Variants in PTPN13 observed in about 807,000 individuals in gnomAD.
PTPN13 encodes tyrosine-protein phosphatase non-receptor type 13.
PTPN13 carries 191 observed loss-of-function variants against 284.0 expected under a neutral mutation model. The observed-to-expected ratio is 0.67, with a 90% CI of 0.60 to 0.76. The LOEUF (loss-of-function observed/expected upper bound fraction) is 0.76, where lower values mean the gene tolerates loss of function less well. Ranked by LOEUF, PTPN13 falls within the 30% of genes least tolerant of loss-of-function variation. The pLI, the probability that PTPN13 is intolerant of heterozygous loss-of-function variation, is 0.00. For missense variants in PTPN13, 2,797 were observed against 2,939.9 expected (o/e 0.95, Z 1.12); for synonymous variants, 986 against 1,022.3 (o/e 0.96, Z 0.68).
At chr4:86,795,462 T>A (rs1181762125) in intron 40 of PTPN13, among the ~76,000 whole-genome samples, 1 of 152,122 alleles carries the variant, frequency 6.6e-6, no homozygotes, top group African/African-American at 2.4e-5. Flanking sequence ...TAGTTCAACC[T>A]TTGTGAAAGA....
intron 1 of PTPN13, among the ~76,000 whole-genome samples, chr4:86,634,520 A>G (rs902909215): frequency 6.6e-6 from 1 of 152,170 alleles, no homozygotes; most frequent in Non-Finnish European, 1.5e-5. Context: ...CTGATCTTTT[A>G]TTAATTCACC....
chr4:86,759,684 A>G (rs747160289), intron 23 of PTPN13, among the ~76,000 whole-genome samples: 4 of 152,182 alleles, frequency 2.6e-5, no homozygotes, highest in Non-Finnish European at 5.9e-5. Context: ...TTCTGTTTCT[A>G]CCACCTAAAA....
intron 3 of PTPN13, among the ~76,000 whole-genome samples, chr4:86,675,228 T>C (rs1728143180): frequency 6.6e-6 from 1 of 152,208 alleles, no homozygotes; most frequent in Non-Finnish European, 1.5e-5. Context: ...GTTGCCATTA[T>C]CATGTTAAAG....
At chr4:86,732,832 T>G (rs1424565594) in intron 12 of PTPN13, 66 bp downstream of exon 12, 3 of 1,414,350 alleles carry the variant, frequency 2.1e-6, no homozygotes, top group Non-Finnish European at 2.9e-6. Context: ...TTCCTATGTT[T>G]GTTACCATGC....
chr4:86,600,746 G>A (rs1017720189), intron 1 of PTPN13, among the ~76,000 whole-genome samples: 1 of 151,808 alleles, frequency 6.6e-6, no homozygotes, highest in African/African-American at 2.4e-5. Flanking sequence ...CACTATTTAA[G>A]TATTTTTGCT....
In PTPN13 at chr4:86,766,435, A is replaced by T; in HGVS notation, c.4247A>T (p.Asp1416Val). 1 of 1,604,430 alleles carries T rather than the reference A, an allele frequency of 6.2e-7. No individual in the cohort carries two copies. The highest frequency in any genetic ancestry group is 1.3e-5 in the African/African-American group (1 of 74,546). Residue 1416 changes from aspartate (D) to valine (V), a missense_variant, in exon 27 of 48, where the codon GAT (aspartate) becomes GTT (valine). Asp to Val is a radical substitution (Grantham distance 152). Coordinates refer to ENST00000411767, the MANE Select transcript of PTPN13 (RefSeq NM_080683.3). ...ATTTGAACTGCCTAATTTTTAGGTG[A>T]TCGCGTCCTAGCTGTCAATGGAGTT... ...AESDGRIHKG[D>V]RVLAVNGVSL...
At position 86,734,350 on chromosome 4, in the gene PTPN13, GC is replaced by G; in HGVS notation, c.1910del (p.Pro637GlnfsTer33). The G allele has an allele frequency of 6.4e-7, 1 of 1,555,234 alleles. No homozygotes were observed. The highest frequency in any genetic ancestry group is 2.4e-5 in the East Asian group (1 of 42,272). On this transcript the variant is annotated frameshift_variant, in exon 13 of 48. Transcript: ENST00000411767. LOFTEE classifies it high-confidence loss of function. ...VDPDLKLTKV[A>X]PEGWKEEPKK... ...TCCTGACTTAAAATTAACCAAAGTGGCCCCAGAGGGATGGAAAGAAGAACCA... is the reference window on the plus strand; with the variant it reads ...TCCTGACTTAAAATTAACCAAAGTGGCCCAGAGGGATGGAAAGAAGAACCA...
chr4:86,732,522 A>T, intron 11 of PTPN13, 48 bp downstream of exon 11: 1 of 1,592,160 alleles, frequency 6.3e-7, no homozygotes, highest in Non-Finnish European at 8.6e-7. Flanking sequence ...TAATTTCAGT[A>T]GTGTTAAAAA....
chr4:86,732,723 T>C lies in PTPN13; in HGVS notation c.1815T>C (p.Ile605=), dbSNP rs1184063364. The C allele has an allele frequency of 1.9e-6, 3 of 1,613,534 alleles. No individual in the cohort carries two copies. The Admixed American group carries it at 5.0e-5, about 27-fold the overall frequency. ...TGTTTGATATGGTTGTGGCACATATTGGCTTAGTAGAGCATCATTTGTTTG... is the reference window on the plus strand; with the variant it reads ...TGTTTGATATGGTTGTGGCACATATCGGCTTAGTAGAGCATCATTTGTTTG... ...KDVFDMVVAH[I]GLVEHHLFAL... Residue 605 remains isoleucine, a synonymous_variant, in exon 12 of 48, where the codon ATT becomes ATC. Coordinates refer to ENST00000411767, the MANE Select transcript of PTPN13 (RefSeq NM_080683.3).
At chr4:86,701,865 G>C in intron 7 of PTPN13, 64 bp downstream of exon 7, 1 of 1,427,334 alleles carries the variant, frequency 7.0e-7, no homozygotes, top group Non-Finnish European at 9.4e-7. Flanking sequence ...TTGAAATAAA[G>C]AAGGGTTATT....
At chr4:86,641,960 G>C (rs746770525) in intron 2 of PTPN13, among the ~76,000 whole-genome samples, 13 of 151,964 alleles carry the variant, frequency 8.6e-5, no homozygotes, top group South Asian at 2.1e-4. Flanking sequence ...AAATTCCTAG[G>C]GATAGTCAAA....
chr4:86,637,678 C>A (rs1723192237), intron 2 of PTPN13, among the ~76,000 whole-genome samples: 1 of 149,084 alleles, frequency 6.7e-6, no homozygotes, highest in South Asian at 2.2e-4. Flanking sequence ...TGGGACATAT[C>A]TCAAAATAAT....
chr4:86,598,345 A>T (rs1578224600), intron 1 of PTPN13, among the ~76,000 whole-genome samples: 1 of 152,038 alleles, frequency 6.6e-6, no homozygotes, highest in African/African-American at 2.4e-5. Context: ...AGGTTTTGCC[A>T]TGTTGGCCAG....
chr4:86,734,959 G>T (rs1332691675), intron 14 of PTPN13, 84 bp downstream of exon 14: 5 of 1,434,310 alleles, frequency 3.5e-6, no homozygotes, highest in Non-Finnish European at 4.7e-6. Context: ...TGATTCAGGT[G>T]TTTGATGTTT....
chr4:86,753,099 A>G (rs182796880), intron 20 of PTPN13, 34 bp downstream of exon 20: 19 of 1,524,818 alleles, frequency 1.2e-5, no homozygotes, highest in Middle Eastern at 1.7e-4. Flanking sequence ...CCTCATTTCC[A>G]TCATTTCTTG....
intron 1 of PTPN13, among the ~76,000 whole-genome samples, chr4:86,624,469 T>C (rs1721608921): frequency 1.3e-5 from 2 of 152,192 alleles, no homozygotes; most frequent in African/African-American, 2.4e-5. Context: ...TTTTCTAGTT[T>C]TGTAGACTTA....
At chr4:86,703,170 CATT>C (rs1177107483) in intron 7 of PTPN13, among the ~76,000 whole-genome samples, 2 of 152,006 alleles carry the variant, frequency 1.3e-5, no homozygotes, top group African/African-American at 2.4e-5. Flanking sequence ...TTTTCAAAAA[CATT>C]AGCCAACTTT....
Position 86,728,408 on chromosome 4 carries a change from A to G in PTPN13, c.1609-3992A>G, listed in dbSNP as rs148267578. Among the ~76,000 whole-genome samples the G allele has an allele frequency of 3.1e-3, 459 of 148,646 alleles. 22 individuals carry two copies. The highest frequency in any genetic ancestry group is 0.011 in the African/African-American group (434 of 40,890). Reference sequence around the variant, plus strand: ...TCTCCTTATCTGTCTAATACTGACAATGGAGTGTTAAAGTCTCCCATTATT... The same window carrying G: ...TCTCCTTATCTGTCTAATACTGACAGTGGAGTGTTAAAGTCTCCCATTATT... On this transcript the variant is annotated intron_variant, in intron 10 of 47. Coordinates refer to ENST00000411767, the MANE Select transcript of PTPN13 (RefSeq NM_080683.3).
rs150307154 is a variant in PTPN13 at position 86,634,110 on chromosome 4, G to T, written c.-5-1142G>T. Among the ~76,000 whole-genome samples, 542 of 152,280 alleles carry T rather than the reference G, an allele frequency of 3.6e-3. 3 individuals carry two copies. Among genetic ancestry groups the T allele is most frequent in the Non-Finnish European group, 6.6e-3 (446 of 68,006 alleles). ...TCAGTCAGGATTAAGTACCATAAAT[G>T]TAAATTAAAAGAAAATAGTAGCTTG... On this transcript the variant is annotated intron_variant, in intron 1 of 47. Transcript: ENST00000411767.
Sources: allele counts gnomAD v4.1 joint callset (sites outside exome capture counted in the v4.1 genomes callset), GRCh38; gene constraint gnomAD v4.1.1; transcripts MANE v1.5; gene names NCBI Gene and HGNC (gene_info 2026-07-23, HGNC 2026-07-21).